The following SPATA18 variants were observed in gnomAD, a reference collection of about 807,000 sequenced individuals.
SPATA18 encodes the protein mitochondria-eating protein.
SPATA18 carries 54 observed loss-of-function variants against 68.1 expected under a neutral mutation model. The ratio of observed to expected loss-of-function variants is 0.79; its 90% CI spans 0.64 to 0.99. SPATA18 has a LOEUF of 0.99. Ranked by LOEUF, SPATA18 falls within the 50% of genes least tolerant of loss-of-function variation. SPATA18 has a pLI of 0.00. For synonymous variants in SPATA18, 242 were observed against 244.8 expected (o/e 0.99, Z 0.11); for missense variants, 724 against 681.1 (o/e 1.06, Z -0.70).
chr4:52,064,002 C>G (rs901095001), intron 4 of SPATA18, among the ~76,000 whole-genome samples: 6 of 152,128 alleles, frequency 3.9e-5, no homozygotes, highest in African/African-American at 1.4e-4. Context: ...TTCAGTGACA[C>G]TGTTGTTACC....
chr4:52,072,291 T>C (rs1303734448), intron 6 of SPATA18, 135 bp downstream of exon 6: 1 of 1,384,254 alleles, frequency 7.2e-7, no homozygotes, highest in Non-Finnish European at 9.7e-7. Flanking sequence ...CTTTGAATTG[T>C]AAAGGGATTG....
At chr4:52,060,546 C>T in intron 2 of SPATA18, 22 bp downstream of exon 2, 1 of 1,596,372 alleles carries the variant, frequency 6.3e-7, no homozygotes, top group Non-Finnish European at 8.6e-7. Flanking sequence ...CTGTAATTTC[C>T]CATCCAGTTC....
In SPATA18 at chr4:52,069,928, A is replaced by T; in HGVS notation, c.518+12A>T. Reference sequence around the variant, plus strand: ...CAGCTGAAAAAGCAGTAAGAAAAAAATTACAGGATTATTGCAGCCTAAATC... The same window carrying T: ...CAGCTGAAAAAGCAGTAAGAAAAAATTTACAGGATTATTGCAGCCTAAATC... On this transcript the variant is annotated intron_variant, in intron 5 of 12. Transcript: ENST00000295213. The T allele has an allele frequency of 6.4e-7, 1 of 1,574,310 alleles. No homozygotes were observed. The highest frequency in any genetic ancestry group is 8.7e-7 in the Non-Finnish European group (1 of 1,155,414).
intron 11 of SPATA18, among the ~76,000 whole-genome samples, chr4:52,088,647 G>A (rs1741653410): frequency 6.6e-6 from 1 of 152,146 alleles, no homozygotes; most frequent in Admixed American, 6.5e-5. Context: ...TGTTCATAGT[G>A]GATAAGCTTT....
rs1264495268 is a variant in SPATA18 at position 52,095,978 on chromosome 4, A to G, written c.*1091A>G. 4 of 152,156 alleles carry G rather than the reference A, an allele frequency of 2.6e-5. No individual in the cohort carries two copies. The highest frequency in any genetic ancestry group is 5.9e-5 in the Non-Finnish European group (4 of 68,026). 9.4% of individuals were successfully genotyped at this position (152,156 alleles called of 1,614,324 possible). A position where few individuals can be genotyped will look rare whatever the true frequency, so the allele number is the denominator to read the frequency against. On this transcript the variant is annotated 3_prime_UTR_variant, in exon 13 of 13. Transcript: ENST00000295213. ...TCAGCCTTAAACACATGCCTCACAA[A>G]CATCTACTTTCTCCACATACCTTTG...
chr4:52,082,333 G>C, intron 9 of SPATA18, 54 bp from the exon 10 acceptor site: 1 of 1,525,412 alleles, frequency 6.6e-7, no homozygotes, highest in Non-Finnish European at 9.1e-7. Flanking sequence ...TTTTCCCCTA[G>C]ATATGCTCCA....
chr4:52,062,600 C>A (rs1409809121), intron 4 of SPATA18, among the ~76,000 whole-genome samples: 3 of 151,948 alleles, frequency 2.0e-5, no homozygotes, highest in Admixed American at 2.0e-4. Context: ...GGAGTTCCTT[C>A]TTCATAGGCA....
chr4:52,054,776 G>A (rs1398150953), intron 1 of SPATA18, among the ~76,000 whole-genome samples: 6 of 151,652 alleles, frequency 4.0e-5, no homozygotes, highest in African/African-American at 1.2e-4. Flanking sequence ...CTGTGGAACG[G>A]GAGGGGATCA....
chr4:52,051,498 G>C lies in SPATA18; in HGVS notation c.-207G>C. ...CGCGCGGGACGGCGGATGAGGCGCGGCGGCTGCGGCCCAGGGCACCTCCCC... is the reference window on the plus strand; with the variant it reads ...CGCGCGGGACGGCGGATGAGGCGCGCCGGCTGCGGCCCAGGGCACCTCCCC... On this transcript the variant is annotated 5_prime_UTR_variant, in exon 1 of 13. Transcript: ENST00000295213. 1.8e-6 allele frequency: 1 copy of C among 557,054 alleles called. No homozygotes were observed. The highest frequency in any genetic ancestry group is 3.2e-6 in the Non-Finnish European group (1 of 313,408). The allele number at this position is 557,054 out of a possible 1,614,324, so 34.5% of individuals were successfully genotyped here.
chr4:52,081,303 G>T (rs1231538627), intron 9 of SPATA18, among the ~76,000 whole-genome samples: 1 of 152,182 alleles, frequency 6.6e-6, no homozygotes, highest in East Asian at 1.9e-4. Context: ...TGTGCAGCTG[G>T]AATTGGATTT....
chr4:52,076,313 T>C (rs966498746), intron 6 of SPATA18, among the ~76,000 whole-genome samples: 5 of 152,034 alleles, frequency 3.3e-5, no homozygotes, highest in African/African-American at 1.2e-4. Context: ...TACATGAAAA[T>C]TTTTATGTAA....
intron 7 of SPATA18, among the ~76,000 whole-genome samples, chr4:52,077,469 A>T (rs1042575049): frequency 6.6e-6 from 1 of 150,782 alleles, no homozygotes; most frequent in African/African-American, 2.4e-5. Context: ...TGGGGGATGA[A>T]TCATCTTCAC....
intron 1 of SPATA18, among the ~76,000 whole-genome samples, chr4:52,058,759 T>C (rs751935757): frequency 6.6e-6 from 1 of 152,050 alleles, no homozygotes; most frequent in Non-Finnish European, 1.5e-5. Flanking sequence ...TAAAAGTCAG[T>C]ATAGTTTAGT....
chr4:52,061,029 G>A, intron 3 of SPATA18, 132 bp downstream of exon 3: 1 of 707,572 alleles, frequency 1.4e-6, no homozygotes, highest in Non-Finnish European at 2.4e-6. Flanking sequence ...GATATTGGTG[G>A]TTTCCATGGG....
rs1742480757 is a variant in SPATA18, at chr4:52,096,993, T to C, written c.*2106T>C. On this transcript the variant is annotated 3_prime_UTR_variant, in exon 13 of 13. Coordinates refer to ENST00000295213, the MANE Select transcript of SPATA18 (RefSeq NM_145263.4). ...CACAGGTAGCTCAGTTTATTTGCTT[T>C]CTACCCTGCCTGGCCACTTGCTGTT... 1 of 152,192 alleles carries C rather than the reference T, an allele frequency of 6.6e-6. No individual in the cohort carries two copies. Among genetic ancestry groups the C allele is most frequent in the Non-Finnish European group, 1.5e-5 (1 of 68,032 alleles). 9.4% of individuals were successfully genotyped at this position (152,192 alleles called of 1,614,324 possible).
Position 52,084,906 on chromosome 4 carries a change from C to G in SPATA18, c.1480-10C>G, listed in dbSNP as rs1219647916. 2 of 1,613,588 alleles carry G rather than the reference C, an allele frequency of 1.2e-6. No individual in the cohort carries two copies. Among genetic ancestry groups the G allele is most frequent in the Non-Finnish European group, 1.7e-6 (2 of 1,179,772 alleles). On this transcript the variant is annotated splice_polypyrimidine_tract_variant and intron_variant, in intron 10 of 12. Coordinates refer to ENST00000295213, the MANE Select transcript of SPATA18 (RefSeq NM_145263.4). Reference sequence around the variant, plus strand: ...TGACTATGTCTCTCTCTTTCTCTCTCTTTTTTAAGTGGAATTCGGTGCGAT... The same window carrying G: ...TGACTATGTCTCTCTCTTTCTCTCTGTTTTTTAAGTGGAATTCGGTGCGAT...
At chr4:52,093,442 T>C (rs956692320) in intron 11 of SPATA18, among the ~76,000 whole-genome samples, 2 of 152,072 alleles carry the variant, frequency 1.3e-5, no homozygotes, top group African/African-American at 2.4e-5. Flanking sequence ...GATAGGGAAA[T>C]GGAAAAGTCA....
At chr4:52,075,779 TC>T (rs760705518) in intron 6 of SPATA18, among the ~76,000 whole-genome samples, 1 of 152,214 alleles carries the variant, frequency 6.6e-6, no homozygotes, top group Non-Finnish European at 1.5e-5. Flanking sequence ...GGGTTCTGGG[TC>T]AGGGACAGCT....
At chr4:52,087,628 T>C (rs1370535016) in intron 11 of SPATA18, among the ~76,000 whole-genome samples, 1 of 152,210 alleles carries the variant, frequency 6.6e-6, no homozygotes, top group African/African-American at 2.4e-5. Context: ...CATTGGTCTA[T>C]ATATCTGTTT....
Sources: gnomAD v4.1 joint callset for allele counts (sites outside exome capture counted in the v4.1 genomes callset) on GRCh38, gnomAD v4.1.1 for gene constraint, MANE v1.5 for transcripts, NCBI Gene and HGNC (gene_info 2026-07-23, HGNC 2026-07-21) for gene names.